SLC25A21: variants seen among roughly 807,000 people sequenced by gnomAD.
SLC25A21 encodes the protein mitochondrial 2-oxodicarboxylate carrier.
SLC25A21 carries 47 observed loss-of-function variants against 43.8 expected under a neutral mutation model. That is an observed-to-expected ratio of 1.07 (90% CI 0.85 to 1.37). The LOEUF (loss-of-function observed/expected upper bound fraction) is 1.37. SLC25A21 is among the 40% of genes most tolerant of loss of function. SLC25A21 has a pLI of 0.00. For synonymous variants in SLC25A21, 131 were observed against 121.3 expected (o/e 1.08, Z -0.52); for missense variants, 352 against 350.2 (o/e 1.00, Z -0.04).
chr14:37,028,496 A>C (rs1044215007), intron 1 of SLC25A21, among the ~76,000 whole-genome samples: 1 of 152,116 alleles, frequency 6.6e-6, no homozygotes, highest in Admixed American at 6.5e-5. Flanking sequence ...CTTTTTATTG[A>C]TGTTCCAGTA....
intron 1 of SLC25A21, among the ~76,000 whole-genome samples, chr14:37,108,704 A>AGTGTGTGTGT (rs56801840): frequency 6.0e-5 from 9 of 149,240 alleles, no homozygotes; most frequent in African/African-American, 2.0e-4. Flanking sequence ...AGTTTTGTTA[A>AGTGTGTGTGT]GTGTGTGTGT....
chr14:37,071,060 C>T (rs1443811029), intron 1 of SLC25A21, among the ~76,000 whole-genome samples: 2 of 151,542 alleles, frequency 1.3e-5, no homozygotes, highest in African/African-American at 4.9e-5. Flanking sequence ...AAGGAGAAGA[C>T]ACTGGGCTAT....
intron 1 of SLC25A21, among the ~76,000 whole-genome samples, chr14:36,914,926 A>C (rs1280833067): frequency 6.6e-6 from 1 of 152,194 alleles, no homozygotes; most frequent in Admixed American, 6.5e-5. Flanking sequence ...AGTAGAGACA[A>C]GGCATTTTAA....
At chr14:36,863,361 A>C (rs2138535669) in intron 2 of SLC25A21, among the ~76,000 whole-genome samples, 1 of 150,940 alleles carries the variant, frequency 6.6e-6, no homozygotes. Context: ...AAAAATAGCT[A>C]CTATACTCTA....
intron 3 of SLC25A21, among the ~76,000 whole-genome samples, chr14:36,786,810 T>A (rs1231237878): frequency 1.3e-5 from 2 of 152,106 alleles, no homozygotes; most frequent in African/African-American, 4.8e-5. Flanking sequence ...TGAAAGAGTT[T>A]GGCGTATGGC....
intron 1 of SLC25A21, among the ~76,000 whole-genome samples, chr14:36,895,666 T>A (rs1388720076): frequency 6.6e-6 from 1 of 152,194 alleles, no homozygotes; most frequent in East Asian, 1.9e-4. Flanking sequence ...TGCTTTCTCT[T>A]GTGGGCATTT....
At chr14:36,950,154 G>T (rs369705673) in intron 1 of SLC25A21, among the ~76,000 whole-genome samples, 12 of 152,144 alleles carry the variant, frequency 7.9e-5, no homozygotes, top group Middle Eastern at 3.4e-3. Context: ...TTGTCGCAAG[G>T]TACCTTTATA....
intron 9 of SLC25A21, among the ~76,000 whole-genome samples, chr14:36,682,700 C>T (rs17176768): frequency 0.027 from 4,093 of 151,952 alleles, 85 homozygotes; most frequent in Middle Eastern, 0.068. Flanking sequence ...AAATTCCCCA[C>T]GTTCTATTAC....
intron 3 of SLC25A21, among the ~76,000 whole-genome samples, chr14:36,774,752 A>G (rs1886760511): frequency 6.6e-6 from 1 of 152,046 alleles, no homozygotes; most frequent in Non-Finnish European, 1.5e-5. Context: ...TTTTGTAGAG[A>G]ACAAGGTCTT....
At chr14:37,154,288 A>G (rs554339822) in intron 1 of SLC25A21, among the ~76,000 whole-genome samples, 11 of 152,256 alleles carry the variant, frequency 7.2e-5, no homozygotes, top group Admixed American at 2.6e-4. Flanking sequence ...GAAATCATAC[A>G]AAGACTACAC....
rs28589494 is a variant in SLC25A21, at chr14:37,021,921, C to T, written c.71-146917G>A. Among the ~76,000 whole-genome samples the T allele has an allele frequency of 9.7e-3, 1,471 of 151,980 alleles. 20 individuals are homozygous for T. Among genetic ancestry groups the T allele is most frequent in the African/African-American group, 0.034 (1,408 of 41,506 alleles). On this transcript the variant is annotated intron_variant, in intron 1 of 9. Coordinates refer to ENST00000331299, the MANE Select transcript of SLC25A21 (RefSeq NM_030631.4). Reference sequence around the variant, plus strand: ...CAACAAAGTGTATCAGAAACATAAACTGTACTAATGCCTCCTTGGAGATAA... The same window carrying T: ...CAACAAAGTGTATCAGAAACATAAATTGTACTAATGCCTCCTTGGAGATAA...
chr14:36,851,034 T>G (rs1368058129), intron 2 of SLC25A21, among the ~76,000 whole-genome samples: 1 of 152,208 alleles, frequency 6.6e-6, no homozygotes, highest in African/African-American at 2.4e-5. Flanking sequence ...AATTCAAGAT[T>G]TTAAAGTACA....
chr14:37,084,679 A>T (rs1188898383), intron 1 of SLC25A21, among the ~76,000 whole-genome samples: 1 of 152,242 alleles, frequency 6.6e-6, no homozygotes, highest in Non-Finnish European at 1.5e-5. Context: ...ACTTGAATGC[A>T]TTTCAAGAGT....
intron 5 of SLC25A21, among the ~76,000 whole-genome samples, chr14:36,727,814 A>G (rs1263186585): frequency 6.6e-6 from 1 of 152,198 alleles, no homozygotes; most frequent in African/African-American, 2.4e-5. Flanking sequence ...ACATATTTGT[A>G]TAGGGTAACT....
chr14:36,821,197 A>G (rs1380605069), intron 2 of SLC25A21, among the ~76,000 whole-genome samples: 6 of 152,100 alleles, frequency 3.9e-5, no homozygotes, highest in South Asian at 4.2e-4. Flanking sequence ...AATTCCCACC[A>G]TGTATGTTTC....
At chr14:37,018,984 G>A (rs922171317) in intron 1 of SLC25A21, among the ~76,000 whole-genome samples, 2 of 151,966 alleles carry the variant, frequency 1.3e-5, no homozygotes, top group African/African-American at 2.4e-5. Context: ...CAGTTTGAAC[G>A]TTATGTCTTG....
intron 1 of SLC25A21, among the ~76,000 whole-genome samples, chr14:37,158,885 C>T (rs1239147072): frequency 3.9e-5 from 6 of 152,034 alleles, no homozygotes; most frequent in African/African-American, 1.4e-4. Flanking sequence ...ATGTAGTAAA[C>T]TTTCAGGATA....
At chr14:36,972,655 T>C (rs945541274) in intron 1 of SLC25A21, among the ~76,000 whole-genome samples, 25 of 151,664 alleles carry the variant, frequency 1.6e-4, no homozygotes, top group African/African-American at 5.6e-4. Context: ...ACGAGGGAGG[T>C]TTAGAGAATT....
intron 3 of SLC25A21, among the ~76,000 whole-genome samples, chr14:36,766,031 C>CTT (rs11423214): frequency 0.025 from 3,795 of 149,776 alleles, 132 homozygotes; most frequent in African/African-American, 0.084. Context: ...TCATTCCCTT[C>CTT]TTTTTTTTTT....
Sources: gnomAD v4.1 joint callset for allele counts (sites outside exome capture counted in the v4.1 genomes callset) on GRCh38, gnomAD v4.1.1 for gene constraint, MANE v1.5 for transcripts, NCBI Gene and HGNC (gene_info 2026-07-23, HGNC 2026-07-21) for gene names.